SPAG17: variants seen among roughly 807,000 people sequenced by gnomAD.
SPAG17 encodes sperm associated antigen 17, also known as sperm-associated antigen 17.
In SPAG17, 169 loss-of-function variants were observed where a neutral mutation model predicts 273.6. The ratio of observed to expected loss-of-function variants is 0.62; its 90% confidence interval spans 0.55 to 0.70. The LOEUF (loss-of-function observed/expected upper bound fraction) is 0.70. Among genes scored for constraint, SPAG17 ranks in the 30% least tolerant of loss-of-function variants. The pLI is 0.00. For synonymous variants in SPAG17, 825 were observed against 873.2 expected, an observed-to-expected ratio of 0.94 and a Z score of 0.97; for missense variants, 2,557 against 2,627.8, an observed-to-expected ratio of 0.97 and a Z score of 0.59.
Position 118,099,720 on chromosome 1 carries a change from C to A in SPAG17, c.715G>T (p.Glu239Ter), listed in dbSNP as rs1570692546. 1 of 1,613,848 alleles carries A rather than the reference C, an allele frequency of 6.2e-7. No individual in the cohort carries two copies. Among genetic ancestry groups the A allele is most frequent in the Non-Finnish European group, 8.5e-7 (1 of 1,179,914 alleles). ...ACGCTGGTTATAGGAATGCCAAGCT[C>A]AGCCATAATTGCTAATAGCTGAGGA... ...NNPQLLAIMAELGIPITSVIK... is the reference protein window; with the variant it reads ...NNPQLLAIMA The change falls in exon 6 of 49, where the codon GAG (glutamate) becomes TAG (stop). Residue 239 changes from glutamate (E) to a stop codon, truncating the protein, a stop_gained. Transcript: ENST00000336338. LOFTEE classifies it high-confidence loss of function.
At position 118,039,303 on chromosome 1, in the gene SPAG17, CT is replaced by C. The variant is rs752499737; in HGVS notation, c.3307del (p.Ser1103ValfsTer24). On this transcript the variant is annotated frameshift_variant, in exon 23 of 49. Coordinates refer to ENST00000336338, the MANE Select transcript of SPAG17 (RefSeq NM_206996.4). LOFTEE classifies it high-confidence loss of function. The stretch of plus-strand genomic sequence containing the variant: ...AAACAGCAGCTTACCCGTTTCAAGA[CT>C]TTGTTCCTCATCTCCTTCTTCTTCC... The part of the protein sequence containing the change: ...EEEEEGDEEQ[S>X]LETEVSDAKN... 9 of 1,612,584 alleles carry C rather than the reference CT, an allele frequency of 5.6e-6. No homozygotes were observed. The highest frequency in any genetic ancestry group is 7.6e-6 in the Non-Finnish European group (9 of 1,179,230).
chr1:117,994,428 C>T lies in SPAG17; in HGVS notation c.5156G>A (p.Trp1719Ter). 6.2e-7 allele frequency: 1 copy of T among 1,612,446 alleles called. No homozygotes were observed. Residue 1719 changes from tryptophan (W) to a stop codon, truncating the protein, a stop_gained, in exon 35 of 49, where the codon TGG becomes TAG. Transcript: ENST00000336338. LOFTEE classifies it high-confidence loss of function. ...TACCTCAACTGAGGGAAATGTTTCC[C>T]ATGACCTTGACCGGAGATTAGGAGG... is the stretch of plus-strand genomic sequence containing the variant. ...IVPPNLRSRSWETFPSVEKKT... is the reference protein window; with the variant it reads ...IVPPNLRSRS
At chr1:118,096,840 C>T (rs1294549408) in intron 7 of SPAG17, among the ~76,000 whole-genome samples, 1 of 152,128 alleles carries the variant, frequency 6.6e-6, no homozygotes, top group African/African-American at 2.4e-5. Flanking sequence ...TCCTCAATAG[C>T]AGGGGCCAGT....
chr1:118,072,037 CA>C (rs1445167359), intron 17 of SPAG17, among the ~76,000 whole-genome samples: 2 of 152,076 alleles, frequency 1.3e-5, no homozygotes, highest in African/African-American at 2.4e-5. Flanking sequence ...AGCATTGGAA[CA>C]AAGAGAAGAT....
intron 35 of SPAG17, among the ~76,000 whole-genome samples, chr1:117,992,992 G>T (rs945820158): frequency 5.9e-5 from 9 of 152,264 alleles, no homozygotes; most frequent in African/African-American, 2.2e-4. Context: ...AGTAGCTGAA[G>T]ACATTTGGAA....
At chr1:118,009,544 TGACGAAAGACATGCTGA>T (rs1659255717) in intron 30 of SPAG17, among the ~76,000 whole-genome samples, 1 of 152,166 alleles carries the variant, frequency 6.6e-6, no homozygotes, top group Non-Finnish European at 1.5e-5. Flanking sequence ...GCCACCTTTC[TGACGAAAGACATGCTGA>T]GACTGAAGAC....
At chr1:118,096,061 A>G (rs1046901760) in intron 7 of SPAG17, among the ~76,000 whole-genome samples, 1 of 152,150 alleles carries the variant, frequency 6.6e-6, no homozygotes, top group Non-Finnish European at 1.5e-5. Flanking sequence ...ATTCACCAGG[A>G]TATCAGACTT....
chr1:117,955,262 T>G, intron 48 of SPAG17: 10 of 1,511,514 alleles, frequency 6.6e-6, no homozygotes, highest in Non-Finnish European at 9.1e-6. Flanking sequence ...TTAGAGAACT[T>G]TAGTAGAAAC....
chr1:117,959,025 T>G (rs1166479314), intron 48 of SPAG17: 8 of 1,608,974 alleles, frequency 5.0e-6, no homozygotes, highest in Non-Finnish European at 6.8e-6. Flanking sequence ...TGTATAGAGA[T>G]AAAATAATGA....
chr1:118,025,324 C>T lies in SPAG17; in HGVS notation c.3823G>A (p.Val1275Met). 1 of 1,613,600 alleles carries T rather than the reference C, an allele frequency of 6.2e-7. No individual in the cohort carries two copies. The highest frequency in any genetic ancestry group is 8.5e-7 in the Non-Finnish European group (1 of 1,179,748). Residue 1275 changes from valine (V) to methionine (M), a missense_variant, in exon 27 of 49, where the codon GTG (valine) becomes ATG (methionine). By Grantham distance (21) the Val-to-Met change is conservative. Coordinates refer to ENST00000336338, the MANE Select transcript of SPAG17 (RefSeq NM_206996.4). ...RVKHYEFYKT[V>M]MPPAEQEASR... Reference sequence around the variant, plus strand: ...GCCTCCTGCTCTGCGGGTGGCATCACCGTTTTATAGAACTCATAGTGCTTC... The same window carrying T: ...GCCTCCTGCTCTGCGGGTGGCATCATCGTTTTATAGAACTCATAGTGCTTC...
In SPAG17 at chr1:118,016,152, G is replaced by A. The variant is rs1427587826; in HGVS notation, c.4100C>T (p.Ala1367Val). 2 of 1,613,688 alleles carry A rather than the reference G, an allele frequency of 1.2e-6. No homozygotes were observed. Among genetic ancestry groups the A allele is most frequent in the East Asian group, 2.2e-5 (1 of 44,870 alleles). ...AGGGTCATGGATTTCACCCTTATGG[G>A]CCATTGATGACTGACTTTTGTGACT... ...GKSHKSQSSMAHKGEIHDPPP... is the reference protein window; with the variant it reads ...GKSHKSQSSMVHKGEIHDPPP... The change falls in exon 29 of 49, where the codon GCC (alanine) becomes GTC (valine). Residue 1367 changes from alanine to valine, a missense_variant. Ala to Val is a moderately conservative substitution (Grantham distance 64). Transcript: ENST00000336338.
chr1:118,091,464 T>C, intron 10 of SPAG17, 142 bp downstream of exon 10: 1 of 565,610 alleles, frequency 1.8e-6, no homozygotes, highest in Non-Finnish European at 3.2e-6. Flanking sequence ...GACTTTAGTT[T>C]CATCTGAACT....
At chr1:118,118,391 A>T (rs1288641384) in intron 3 of SPAG17, among the ~76,000 whole-genome samples, 1 of 152,216 alleles carries the variant, frequency 6.6e-6, no homozygotes, top group Non-Finnish European at 1.5e-5. Context: ...AGAACATGTG[A>T]GCAGCGAGCT....
At chr1:117,997,059 G>A (rs1399996452) in intron 32 of SPAG17, among the ~76,000 whole-genome samples, 1 of 152,028 alleles carries the variant, frequency 6.6e-6, no homozygotes, top group Non-Finnish European at 1.5e-5. Context: ...ATTTAAACAT[G>A]GAGGAATGGG....
intron 38 of SPAG17, 144 bp downstream of exon 38, chr1:117,990,717 C>A: frequency 2.0e-6 from 1 of 508,680 alleles, no homozygotes; most frequent in South Asian, 3.8e-5. Context: ...ATATAAACCA[C>A]CACAACACAA....
At chr1:118,005,932 C>G (rs1379090457) in intron 31 of SPAG17, among the ~76,000 whole-genome samples, 2 of 152,066 alleles carry the variant, frequency 1.3e-5, no homozygotes, top group Non-Finnish European at 2.9e-5. Context: ...CCCTATTCAT[C>G]CTATTCTAAA....
At chr1:117,981,443 A>AAATG in intron 42 of SPAG17, 42 bp from the exon 43 acceptor site, 1 of 1,565,386 alleles carries the variant, frequency 6.4e-7, no homozygotes, top group Non-Finnish European at 8.6e-7. Context: ...ATATTTTGTA[A>AAATG]AATGATATAA....
At chr1:118,161,682 C>T (rs554939596) in intron 1 of SPAG17, among the ~76,000 whole-genome samples, 1 of 152,058 alleles carries the variant, frequency 6.6e-6, no homozygotes, top group Non-Finnish European at 1.5e-5. Flanking sequence ...GGACTACAGG[C>T]GCCCGCCCCC....
intron 31 of SPAG17, 131 bp from the exon 32 acceptor site, chr1:118,005,733 T>A: frequency 1.6e-6 from 1 of 607,956 alleles, no homozygotes; most frequent in Non-Finnish European, 2.5e-6. Flanking sequence ...AGGAAAACAT[T>A]AATCAAGGGA....
Sources: allele counts gnomAD v4.1 joint callset (sites outside exome capture counted in the v4.1 genomes callset), GRCh38; gene constraint gnomAD v4.1.1; transcripts MANE v1.5; gene names NCBI Gene and HGNC (gene_info 2026-07-23, HGNC 2026-07-21).